The following TRAF1 variants were observed in gnomAD, a reference collection of about 807,000 sequenced individuals.
TRAF1 encodes TNF receptor-associated factor 1.
In TRAF1, 23 loss-of-function variants were observed where a neutral mutation model predicts 40.9. The ratio of observed to expected loss-of-function variants is 0.56; its 90% confidence interval spans 0.40 to 0.80. The LOEUF (loss-of-function observed/expected upper bound fraction) is 0.80, where lower values mean the gene tolerates loss of function less well. TRAF1 is among the 30% of genes least tolerant of loss of function. The pLI is 0.00. For synonymous variants in TRAF1, 206 were observed against 218.8 expected (o/e 0.94, Z 0.52); for missense variants, 477 against 528.7 (o/e 0.90, Z 0.96).
chr9:120,924,029 T>C lies in TRAF1; in HGVS notation c.141-237A>G, dbSNP rs114909422. 2.7e-3 allele frequency among the ~76,000 whole-genome samples: 416 copies of C among 152,342 alleles called. 4 individuals carry two copies. The highest frequency in any genetic ancestry group is 9.6e-3 in the African/African-American group (400 of 41,578). The stretch of plus-strand genomic sequence containing the variant: ...TGACTGCACTGACCGGAAGCTATTA[T>C]AGCCCTTACTTGCCCCACTTAGTGT... On this transcript the variant is annotated intron_variant, in intron 2 of 7. Coordinates refer to ENST00000373887, the MANE Select transcript of TRAF1 (RefSeq NM_005658.5).
intron 7 of TRAF1, among the ~76,000 whole-genome samples, chr9:120,905,465 G>A (rs2046473879): frequency 6.6e-6 from 1 of 152,258 alleles, no homozygotes; most frequent in African/African-American, 2.4e-5. Context: ...TTCAGGGGCT[G>A]TTCCATGATG....
intron 7 of TRAF1, among the ~76,000 whole-genome samples, chr9:120,908,709 G>A (rs889008872): frequency 6.6e-6 from 1 of 152,118 alleles, no homozygotes; most frequent in African/African-American, 2.4e-5. Context: ...ACAGGTGCAT[G>A]CCACCACACC....
At chr9:120,913,878 G>A in intron 4 of TRAF1, 140 bp from the exon 5 acceptor site, 1 of 985,200 alleles carries the variant, frequency 1.0e-6, no homozygotes, top group East Asian at 2.6e-5. Context: ...CAGTGGGAGG[G>A]ATTCAGAGGA....
chr9:120,925,123 T>G (rs1049312648), intron 2 of TRAF1, among the ~76,000 whole-genome samples: 4 of 152,266 alleles, frequency 2.6e-5, no homozygotes, highest in African/African-American at 9.6e-5. Context: ...CTTGCCTGAT[T>G]CAGCTTTGCC....
chr9:120,926,415 C>T (rs1176844173), intron 1 of TRAF1, 114 bp from the exon 2 acceptor site: 1 of 172,556 alleles, frequency 5.8e-6, no homozygotes, highest in African/African-American at 2.4e-5. Flanking sequence ...GAGAGTTCCC[C>T]TGGTTGAGAA....
At chr9:120,919,901 G>T (rs2046593910) in intron 3 of TRAF1, among the ~76,000 whole-genome samples, 1 of 152,130 alleles carries the variant, frequency 6.6e-6, no homozygotes, top group South Asian at 2.1e-4. Context: ...ACCAGCTCAG[G>T]AGCCATGGGT....
chr9:120,913,332 TG>T lies in TRAF1; in HGVS notation c.700del (p.Gln234ArgfsTer78). On this transcript the variant is annotated frameshift_variant, in exon 5 of 8. Coordinates refer to ENST00000373887, the MANE Select transcript of TRAF1 (RefSeq NM_005658.5). LOFTEE classifies it high-confidence loss of function. ...LDRERILSLE[Q>X]RVVELQQTLA... ...AAACCTGCCTCCCACACTCACCCTC[TG>T]CTCCAAGCTCAGGATGCGCTCACGG... 1 of 1,602,680 alleles carries T rather than the reference TG, an allele frequency of 6.2e-7. No homozygotes were observed. The highest frequency in any genetic ancestry group is 8.5e-7 in the Non-Finnish European group (1 of 1,172,158).
chr9:120,908,082 TTTA>T (rs2046497027), intron 7 of TRAF1, among the ~76,000 whole-genome samples: 1 of 118,860 alleles, frequency 8.4e-6, no homozygotes, highest in Non-Finnish European at 1.5e-5. Context: ...TTATTATTAT[TTTA>T]TTATTATTAT....
At chr9:120,910,995 C>A (rs1056256978) in intron 6 of TRAF1, among the ~76,000 whole-genome samples, 5 of 152,242 alleles carry the variant, frequency 3.3e-5, no homozygotes, top group Non-Finnish European at 5.9e-5. Flanking sequence ...TACTGTGGCC[C>A]ACAGCACACT....
rs2046450817 is a variant in TRAF1 at position 120,903,028 on chromosome 9, C to T, written c.*1992G>A. Reference sequence around the variant, plus strand: ...ATGGGGGCTTGTTCTACAAATCCCCCCTTGGGCTCAACACTCGGTGAGTAG... The same window carrying T: ...ATGGGGGCTTGTTCTACAAATCCCCTCTTGGGCTCAACACTCGGTGAGTAG... On this transcript the variant is annotated 3_prime_UTR_variant, in exon 8 of 8. Coordinates refer to ENST00000373887, the MANE Select transcript of TRAF1 (RefSeq NM_005658.5). 1 of 152,216 alleles carries T rather than the reference C, an allele frequency of 6.6e-6. No individual in the cohort carries two copies. The highest frequency in any genetic ancestry group is 2.4e-5 in the African/African-American group (1 of 41,428). The allele number at this position is 152,216 out of a possible 1,614,324, so 9.4% of individuals were successfully genotyped here.
At chr9:120,909,172 GA>G in intron 7 of TRAF1, 57 bp downstream of exon 7, 1 of 1,585,176 alleles carries the variant, frequency 6.3e-7, no homozygotes, top group Non-Finnish European at 8.6e-7. Context: ...GCCAAACCAG[GA>G]CTAGGACTCA....
intron 7 of TRAF1, among the ~76,000 whole-genome samples, chr9:120,906,340 C>A (rs1368082805): frequency 6.6e-6 from 1 of 152,042 alleles, no homozygotes; most frequent in Non-Finnish European, 1.5e-5. Flanking sequence ...CCACTATGCC[C>A]AGATAATTTT....
rs1366543181 is a variant in TRAF1 at position 120,903,284 on chromosome 9, A to C, written c.*1736T>G. The C allele has an allele frequency of 6.6e-6, 1 of 152,264 alleles. No individual in the cohort carries two copies. Among genetic ancestry groups the C allele is most frequent in the East Asian group, 1.9e-4 (1 of 5,200 alleles). 9.4% of individuals were successfully genotyped at this position (152,264 alleles called of 1,614,324 possible). The stretch of plus-strand genomic sequence containing the variant: ...TTGCACATAAAAGCACTAGTGCTCC[A>C]TTATTGCAGTTGGGCCTCCTGAAAA... On this transcript the variant is annotated 3_prime_UTR_variant, in exon 8 of 8. Coordinates refer to ENST00000373887, the MANE Select transcript of TRAF1 (RefSeq NM_005658.5).
At chr9:120,913,285 G>A (rs768596753) in intron 5 of TRAF1, 43 bp downstream of exon 5, 5 of 1,555,006 alleles carry the variant, frequency 3.2e-6, no homozygotes, top group Non-Finnish European at 4.4e-6. Flanking sequence ...AGACAGGATG[G>A]GGCTCAGCCG....
intron 2 of TRAF1, among the ~76,000 whole-genome samples, chr9:120,925,435 C>T (rs1285428844): frequency 6.6e-6 from 1 of 152,226 alleles, no homozygotes; most frequent in Non-Finnish European, 1.5e-5. Context: ...ATATCGATCT[C>T]TTTGTCCCCT....
At chr9:120,925,063 C>T (rs1195116251) in intron 2 of TRAF1, among the ~76,000 whole-genome samples, 1 of 152,274 alleles carries the variant, frequency 6.6e-6, no homozygotes, top group Non-Finnish European at 1.5e-5. Flanking sequence ...CACAGCCTCT[C>T]CTCGCTATTC....
rs1207079888 is a variant in TRAF1 at position 120,904,132 on chromosome 9, CTCT to C, written c.*885_*887del. On this transcript the variant is annotated 3_prime_UTR_variant, in exon 8 of 8. Transcript: ENST00000373887. ...GGCAGGAAGAGGAAAGTTTATGCCC[CTCT>C]TCTTCTTGAGGTGCCTCTGGCTGCA... 1 of 152,206 alleles carries C rather than the reference CTCT, an allele frequency of 6.6e-6. No homozygotes were observed. The highest frequency in any genetic ancestry group is 1.5e-5 in the Non-Finnish European group (1 of 68,068). 9.4% of individuals were successfully genotyped at this position (152,206 alleles called of 1,614,324 possible).
upstream of TRAF1, chr9:120,927,685 C>T (rs2046649711): frequency 6.6e-6 from 1 of 152,024 alleles, no homozygotes; most frequent in Non-Finnish European, 1.5e-5. Context: ...ATTAAACTGC[C>T]CACCTGCCCT....
chr9:120,926,444 T>G, intron 1 of TRAF1, 106 bp downstream of exon 1: 1 of 160,300 alleles, frequency 6.2e-6, no homozygotes, highest in Non-Finnish European at 1.4e-5. Context: ...TGCCGCTGGC[T>G]TCCCCCACTT....
Sources: allele counts gnomAD v4.1 joint callset (sites outside exome capture counted in the v4.1 genomes callset), GRCh38; gene constraint gnomAD v4.1.1; transcripts MANE v1.5; gene names NCBI Gene and HGNC (gene_info 2026-07-23, HGNC 2026-07-21).